Variants in LRRFIP1 observed in about 807,000 individuals in gnomAD.
The protein encoded by LRRFIP1 is LRR binding FLII interacting protein 1, also known as leucine-rich repeat flightless-interacting protein 1.
LRRFIP1 carries 62 observed loss-of-function variants against 104.4 expected under a neutral mutation model. The observed-to-expected ratio is 0.59, with a 90% CI of 0.48 to 0.73. The LOEUF (loss-of-function observed/expected upper bound fraction) is 0.73. Ranked by LOEUF, LRRFIP1 falls within the 30% of genes least tolerant of loss-of-function variation. LRRFIP1 has a pLI of 0.00. For synonymous variants in LRRFIP1, 300 were observed against 299.0 expected (o/e 1.00, Z -0.03); for missense variants, 796 against 824.5 (o/e 0.97, Z 0.42).
intron 1 of LRRFIP1, among the ~76,000 whole-genome samples, chr2:237,635,952 C>G (rs1030050995): frequency 4.6e-5 from 7 of 151,984 alleles, no homozygotes; most frequent in African/African-American, 1.2e-4. Flanking sequence ...CAAAAATTAG[C>G]CAAGCATGAT....
chr2:237,698,526 C>T (rs2093332779), intron 1 of LRRFIP1, among the ~76,000 whole-genome samples: 1 of 152,260 alleles, frequency 6.6e-6, no homozygotes, highest in Non-Finnish European at 1.5e-5. Context: ...GTGCAGAGGA[C>T]AGTGTGCTGG....
At chr2:237,750,686 G>T (rs1266794867) in intron 13 of LRRFIP1, among the ~76,000 whole-genome samples, 1 of 152,132 alleles carries the variant, frequency 6.6e-6, no homozygotes, top group African/African-American at 2.4e-5. Context: ...CAGTCCTGAT[G>T]TTTCTCTGCC....
intron 1 of LRRFIP1, among the ~76,000 whole-genome samples, chr2:237,667,296 T>G (rs956032893): frequency 3.9e-5 from 6 of 152,206 alleles, no homozygotes; most frequent in Non-Finnish European, 1.5e-5. Context: ...CACCATTCAC[T>G]CAGAGAACAT....
intron 23 of LRRFIP1, among the ~76,000 whole-genome samples, chr2:237,779,029 C>G (rs1187693840): frequency 3.3e-5 from 5 of 152,314 alleles, no homozygotes; most frequent in Admixed American, 6.5e-5. Context: ...CGAGACCATC[C>G]TGGCCAACAT....
rs3754706 is a variant in LRRFIP1 at position 237,754,860 on chromosome 2, C to G, written c.1039-1235C>G. 1.4e-4 allele frequency among the ~76,000 whole-genome samples: 22 copies of G among 152,216 alleles called. No individual in the cohort carries two copies. In the East Asian group the frequency reaches 4.1e-3, roughly 28 times the overall value. ...TGGAATGCTGTCATTAGGCATCATT[C>G]AGTGGACTGAAAACTCCCGAGTCTC... On this transcript the variant is annotated intron_variant, in intron 15 of 23. Coordinates refer to ENST00000308482, the MANE Select transcript of LRRFIP1 (RefSeq NM_001137550.2).
Position 237,779,563 on chromosome 2 carries a change from G to A in LRRFIP1, c.*31G>A. Reference sequence around the variant, plus strand: ...AGCTCTGATCAGGCAACTGGTTGGTGACTGGAGAGCATTGTTTCATAGGCT... The same window carrying A: ...AGCTCTGATCAGGCAACTGGTTGGTAACTGGAGAGCATTGTTTCATAGGCT... On this transcript the variant is annotated 3_prime_UTR_variant, in exon 24 of 24. Coordinates refer to ENST00000308482, the MANE Select transcript of LRRFIP1 (RefSeq NM_001137550.2). 1 of 1,553,608 alleles carries A rather than the reference G, an allele frequency of 6.4e-7. No individual in the cohort carries two copies. The highest frequency in any genetic ancestry group is 8.9e-7 in the Non-Finnish European group (1 of 1,126,354).
rs141473897 is a variant in LRRFIP1, at chr2:237,693,676, A to G, written c.97-14868A>G. ...GGTGGGAATGTGGTTGAGCGGTGCC[A>G]GTGTTCTGAGGAGCAGCCTGGGACA... On this transcript the variant is annotated intron_variant, in intron 1 of 23. Coordinates refer to ENST00000308482, the MANE Select transcript of LRRFIP1 (RefSeq NM_001137550.2). 3.1e-3 allele frequency among the ~76,000 whole-genome samples: 470 copies of G among 152,286 alleles called. 11 individuals carry two copies. The East Asian group carries it at 0.046, about 15-fold the overall frequency.
intron 1 of LRRFIP1, among the ~76,000 whole-genome samples, chr2:237,631,396 G>A (rs182288096): frequency 2.0e-4 from 30 of 152,310 alleles, no homozygotes; most frequent in East Asian, 1.5e-3. Flanking sequence ...TTCTGCAGCC[G>A]GTGTCCTGCT....
intron 8 of LRRFIP1, among the ~76,000 whole-genome samples, chr2:237,731,586 T>A (rs1197191397): frequency 6.6e-6 from 1 of 152,212 alleles, no homozygotes; most frequent in Non-Finnish European, 1.5e-5. Flanking sequence ...GCTTTGGGCA[T>A]TTTCTTAATT....
chr2:237,658,068 C>T (rs2087150187), intron 1 of LRRFIP1, among the ~76,000 whole-genome samples: 1 of 152,204 alleles, frequency 6.6e-6, no homozygotes, highest in African/African-American at 2.4e-5. Flanking sequence ...ACCTAAAAAA[C>T]TGTGACAAAC....
Position 237,746,062 on chromosome 2 carries a change from A to T in LRRFIP1, c.634-2302A>T, listed in dbSNP as rs867196400. 2.2e-3 allele frequency among the ~76,000 whole-genome samples: 311 copies of T among 141,060 alleles called. 1 individual carries two copies. Among genetic ancestry groups the T allele is most frequent in the African/African-American group, 6.8e-3 (261 of 38,156 alleles). The allele number at this position is 141,060 out of a possible 152,430, so 92.5% of individuals were successfully genotyped here. A position where few individuals can be genotyped will look rare whatever the true frequency, so the allele number is the denominator to read the frequency against. On this transcript the variant is annotated intron_variant, in intron 11 of 23. Transcript: ENST00000308482. ...AAATTTTATTTATTTTATTTTATTT[A>T]TTTTTTTTTTTTTTGAGACAGAGTT...
rs1269710288 is a variant in LRRFIP1 at position 237,758,828 on chromosome 2, A to G, written c.1317+7A>G. 1 of 1,591,470 alleles carries G rather than the reference A, an allele frequency of 6.3e-7. No individual in the cohort carries two copies. Among genetic ancestry groups the G allele is most frequent in the South Asian group, 1.1e-5 (1 of 87,412 alleles). ...GCTGAAAGAGGAATTAAAGGTATGA[A>G]GCCAAACTACAGTTTTATTTAAAAA... On this transcript the variant is annotated splice_region_variant and intron_variant, in intron 18 of 23. Transcript: ENST00000308482.
chr2:237,721,347 A>G (rs1244753579), intron 6 of LRRFIP1: 2 of 155,032 alleles, frequency 1.3e-5, no homozygotes, highest in Admixed American at 6.3e-5. Context: ...TATCAGTTAT[A>G]ATTAGATCTC....
chr2:237,675,991 T>C (rs2091103914), intron 1 of LRRFIP1, among the ~76,000 whole-genome samples: 1 of 152,250 alleles, frequency 6.6e-6, no homozygotes, highest in African/African-American at 2.4e-5. Flanking sequence ...ATTTCTAAGA[T>C]TTACCATTTT....
At chr2:237,666,902 T>C (rs923657432) in intron 1 of LRRFIP1, among the ~76,000 whole-genome samples, 7 of 139,886 alleles carry the variant, frequency 5.0e-5, no homozygotes, top group Non-Finnish European at 1.1e-4. Context: ...CTTTTTTCCC[T>C]CCCTGCCTTC....
At chr2:237,699,641 C>T (rs563570101) in intron 1 of LRRFIP1, among the ~76,000 whole-genome samples, 5 of 152,176 alleles carry the variant, frequency 3.3e-5, no homozygotes, top group Admixed American at 1.3e-4. Flanking sequence ...CGTGAGCCAC[C>T]GCACCCGGCC....
At chr2:237,740,454 G>C (rs985335801) in intron 11 of LRRFIP1, among the ~76,000 whole-genome samples, 1 of 152,042 alleles carries the variant, frequency 6.6e-6, no homozygotes, top group Admixed American at 6.6e-5. Context: ...CCCAGCCATC[G>C]AGAAGTTAAA....
At chr2:237,706,455 C>G (rs2093814226) in intron 1 of LRRFIP1, among the ~76,000 whole-genome samples, 1 of 152,324 alleles carries the variant, frequency 6.6e-6, no homozygotes, top group Non-Finnish European at 1.5e-5. Context: ...CTCGTACCTG[C>G]TCTGTACTGG....
In LRRFIP1 at chr2:237,750,291, C is replaced by CT. The variant is rs989904033; in HGVS notation, c.796-900dup. On this transcript the variant is annotated intron_variant, in intron 13 of 23. Transcript: ENST00000308482. ...CCACCTGCAGCTCCTTGTTGCTTCCCTTTTTTTTTCCTTTTTCTTTTCTTT... is the reference window on the plus strand; with the variant it reads ...CCACCTGCAGCTCCTTGTTGCTTCCCTTTTTTTTTTCCTTTTTCTTTTCTTT... Among the ~76,000 whole-genome samples the CT allele has an allele frequency of 4.7e-4, 68 of 143,450 alleles. 1 individual carries two copies. The highest frequency in any genetic ancestry group is 1.2e-3 in the Admixed American group (17 of 14,542). The allele number at this position is 143,450 out of a possible 152,430, so 94.1% of individuals were successfully genotyped here. A position where few individuals can be genotyped will look rare whatever the true frequency, so the allele number is the denominator to read the frequency against.
Sources: gnomAD v4.1 joint callset for allele counts (sites outside exome capture counted in the v4.1 genomes callset) on GRCh38, gnomAD v4.1.1 for gene constraint, MANE v1.5 for transcripts, NCBI Gene and HGNC (gene_info 2026-07-23, HGNC 2026-07-21) for gene names.